Variants in C6orf89 observed in about 807,000 individuals in gnomAD.
C6orf89 encodes the protein chromosome 6 open reading frame 89, also known as bombesin receptor-activated protein C6orf89.
C6orf89 carries 29 observed loss-of-function variants against 40.7 expected under a neutral mutation model. That is an observed-to-expected ratio of 0.71 (90% CI 0.53 to 0.97). The LOEUF is 0.97. Ranked by LOEUF, C6orf89 falls within the 50% of genes least tolerant of loss-of-function variation. The pLI is 0.00. For missense variants in C6orf89, 392 were observed against 429.1 expected, an observed-to-expected ratio of 0.91 and a Z score of 0.76; for synonymous variants, 165 against 152.2, an observed-to-expected ratio of 1.08 and a Z score of -0.62.
At position 36,924,678 on chromosome 6, in the gene C6orf89, T is replaced by C. The variant is rs960745022; in HGVS notation, c.*1237T>C. ...ATTTTTTTCTCTCTTTATTATTCTT[T>C]TATTGACACCACTAGATAGCTGGCC... On this transcript the variant is annotated 3_prime_UTR_variant, in exon 9 of 9. Transcript: ENST00000480824. The C allele has an allele frequency of 2.6e-5, 4 of 152,186 alleles. No individual in the cohort carries two copies. Among genetic ancestry groups the C allele is most frequent in the South Asian group, 2.1e-4 (1 of 4,824 alleles). The allele number at this position is 152,186 out of a possible 1,614,324, so 9.4% of individuals were successfully genotyped here.
At chr6:36,897,129 C>CAAAAAAAAAAAAAAA (rs34191608) in intron 2 of C6orf89, among the ~76,000 whole-genome samples, 3 of 85,390 alleles carry the variant, frequency 3.5e-5, no homozygotes, top group African/African-American at 9.2e-5. Context: ...GACTCTGTCT[C>CAAAAAAAAAAAAAAA]AAAAAAAAAA....
At chr6:36,916,069 G>A (rs576631673) in intron 6 of C6orf89, among the ~76,000 whole-genome samples, 2 of 152,246 alleles carry the variant, frequency 1.3e-5, no homozygotes, top group Admixed American at 1.3e-4. Context: ...TCAGAAGAAG[G>A]GTCATGCTTT....
At chr6:36,901,833 G>T (rs1329199417) in intron 3 of C6orf89, among the ~76,000 whole-genome samples, 3 of 150,908 alleles carry the variant, frequency 2.0e-5, no homozygotes, top group Non-Finnish European at 2.9e-5. Context: ...ATCATGCCTG[G>T]CTAATTTTTT....
chr6:36,874,736 T>C (rs986806455), intron 1 of C6orf89: 1 of 1,614,092 alleles, frequency 6.2e-7, no homozygotes, highest in South Asian at 1.1e-5. Flanking sequence ...AAGTAAACGT[T>C]GGGTGGCTGC....
chr6:36,914,481 G>C, intron 5 of C6orf89, 46 bp downstream of exon 5: 1 of 1,613,130 alleles, frequency 6.2e-7, no homozygotes, highest in Non-Finnish European at 8.5e-7. Flanking sequence ...CTTGCTTAAA[G>C]GCTAGGTCAA....
In C6orf89 at chr6:36,902,218, T is replaced by C; in HGVS notation, c.190-3T>C. 6.2e-7 allele frequency: 1 copy of C among 1,613,882 alleles called. No individual in the cohort carries two copies. The highest frequency in any genetic ancestry group is 1.1e-5 in the South Asian group (1 of 91,076). ...TTAATGCCTTTTCTATCTTTCCTTG[T>C]AGGTTCTCGCAACCTTGGGATTAAT... is the stretch of plus-strand genomic sequence containing the variant. On this transcript the variant is annotated splice_polypyrimidine_tract_variant and splice_region_variant and intron_variant, in intron 3 of 8. Transcript: ENST00000480824.
At position 36,902,395 on chromosome 6, in the gene C6orf89, G is replaced by A. The variant is rs746966320; in HGVS notation, c.364G>A (p.Val122Ile). The change falls in exon 4 of 9, where the codon GTT (valine) becomes ATT (isoleucine). Residue 122 changes from valine to isoleucine, a missense_variant. By Grantham distance (29) the Val-to-Ile change is conservative. Transcript: ENST00000480824. ...GAAGTACATGTCAGAAAATAAGGGAGTTCCTCTGCATGGGGGTGATGAAGA... is the reference window on the plus strand; with the variant it reads ...GAAGTACATGTCAGAAAATAAGGGAATTCCTCTGCATGGGGGTGATGAAGA... ...AKKYMSENKG[V>I]PLHGGDEDRP... 3 of 1,614,206 alleles carry A rather than the reference G, an allele frequency of 1.9e-6. No homozygotes were observed. The highest frequency in any genetic ancestry group is 3.3e-5 in the Admixed American group (2 of 60,026).
At chr6:36,872,613 A>AC (rs1554133442) in intron 1 of C6orf89, among the ~76,000 whole-genome samples, 4 of 147,038 alleles carry the variant, frequency 2.7e-5, no homozygotes, top group Non-Finnish European at 6.0e-5. Flanking sequence ...GGATGTGACA[A>AC]TTTTTTTTTT....
At chr6:36,917,252 A>G (rs1762357840) in intron 7 of C6orf89, among the ~76,000 whole-genome samples, 1 of 152,162 alleles carries the variant, frequency 6.6e-6, no homozygotes, top group Admixed American at 6.5e-5. Context: ...TGAAAGGCAA[A>G]AAGTGTGGGA....
chr6:36,892,456 C>T (rs1171388025), intron 1 of C6orf89, among the ~76,000 whole-genome samples: 2 of 152,206 alleles, frequency 1.3e-5, no homozygotes, highest in Admixed American at 6.5e-5. Flanking sequence ...ATCCTCCTGC[C>T]TCAGCCTCCC....
intron 4 of C6orf89, among the ~76,000 whole-genome samples, chr6:36,904,390 G>A (rs1761848670): frequency 6.6e-6 from 1 of 152,182 alleles, no homozygotes; most frequent in Non-Finnish European, 1.5e-5. Flanking sequence ...AGTGAGCATT[G>A]GAAGGGTGTG....
chr6:36,908,765 C>G (rs1239839386), intron 4 of C6orf89, among the ~76,000 whole-genome samples: 1 of 152,164 alleles, frequency 6.6e-6, no homozygotes, highest in South Asian at 2.1e-4. Context: ...GTCAGAAATC[C>G]AGGTTGATAG....
chr6:36,908,056 G>A (rs1761988560), intron 4 of C6orf89, among the ~76,000 whole-genome samples: 1 of 152,196 alleles, frequency 6.6e-6, no homozygotes, highest in African/African-American at 2.4e-5. Flanking sequence ...AGAGGAAGAG[G>A]AGCCTGCACC....
At position 36,893,500 on chromosome 6, in the gene C6orf89, G is replaced by A. The variant is rs184913184; in HGVS notation, c.-119-1004G>A. On this transcript the variant is annotated intron_variant, in intron 1 of 8. Transcript: ENST00000480824. ...CTTGAGAAATGTGTCATAATCTCTC[G>A]GAAGAAGGATGCATGGCTTGCAAAA... Among the ~76,000 whole-genome samples the A allele has an allele frequency of 5.4e-3, 823 of 152,190 alleles. 6 individuals are homozygous for A. The highest frequency in any genetic ancestry group is 7.9e-3 in the Non-Finnish European group (540 of 68,018).
chr6:36,901,480 G>T, intron 3 of C6orf89, among the ~76,000 whole-genome samples: 1 of 147,100 alleles, frequency 6.8e-6, no homozygotes, highest in Admixed American at 6.8e-5. Flanking sequence ...GACTACAGGC[G>T]CCCATCACCA....
At chr6:36,886,174 A>G (rs557682895) in intron 1 of C6orf89, 146 bp downstream of exon 1, 9 of 728,274 alleles carry the variant, frequency 1.2e-5, no homozygotes, top group Non-Finnish European at 1.5e-5. Context: ...CAGTCTCTCC[A>G]GTTTTGTAGA....
intron 1 of C6orf89, among the ~76,000 whole-genome samples, chr6:36,872,949 C>A (rs1774548363): frequency 6.6e-6 from 1 of 152,224 alleles, no homozygotes; most frequent in East Asian, 1.9e-4. Context: ...TCTGGATACC[C>A]AGTGCCTTGC....
chr6:36,898,283 C>CTTT (rs1199985589), intron 2 of C6orf89, among the ~76,000 whole-genome samples: 1 of 93,856 alleles, frequency 1.1e-5, no homozygotes, highest in Non-Finnish European at 2.1e-5. Context: ...CTTTTCTTTT[C>CTTT]TTTTTTTTTT....
At chr6:36,885,863 G>A, upstream of C6orf89, 1 of 522,826 alleles carries the variant, frequency 1.9e-6, no homozygotes. Flanking sequence ...TGTTTTGGGC[G>A]GAAGCGCTGG....
Sources: gnomAD v4.1 joint callset for allele counts (sites outside exome capture counted in the v4.1 genomes callset) on GRCh38, gnomAD v4.1.1 for gene constraint, MANE v1.5 for transcripts, NCBI Gene and HGNC (gene_info 2026-07-23, HGNC 2026-07-21) for gene names.